ARHGEF7: variants seen among roughly 807,000 people sequenced by gnomAD.
ARHGEF7 encodes the protein Rho guanine nucleotide exchange factor 7, also known as PAK-interacting exchange factor beta.
Under a neutral mutation model 109.8 loss-of-function variants are expected in ARHGEF7, and 33 were observed. The observed-to-expected ratio is 0.30, with a 90% confidence interval of 0.23 to 0.40. The LOEUF is 0.40. Among genes scored for constraint, ARHGEF7 ranks in the 10% least tolerant of loss-of-function variants. ARHGEF7 has a pLI of 1.00. For missense variants in ARHGEF7, 938 were observed against 1,098.5 expected (o/e 0.85, Z 2.07); for synonymous variants, 458 against 424.6 (o/e 1.08, Z -0.97).
intron 5 of ARHGEF7, among the ~76,000 whole-genome samples, chr13:111,226,872 T>A (rs1345522139): frequency 1.3e-5 from 2 of 152,226 alleles, no homozygotes; most frequent in African/African-American, 4.8e-5. Context: ...TAGATGCTGT[T>A]AAGAACATTT....
chr13:111,233,175 C>A, intron 5 of ARHGEF7, 30 bp from the exon 6 acceptor site: 1 of 1,566,602 alleles, frequency 6.4e-7, no homozygotes, highest in South Asian at 1.1e-5. Context: ...TAGTACTGAT[C>A]AGTAAAACTA....
intron 1 of ARHGEF7, among the ~76,000 whole-genome samples, chr13:111,142,203 T>C (rs1238988677): frequency 6.6e-6 from 1 of 152,238 alleles, no homozygotes; most frequent in East Asian, 1.9e-4. Flanking sequence ...TCTTTGTATA[T>C]TCAGAATACC....
At chr13:111,290,323 A>G (rs1274961104) in intron 18 of ARHGEF7, among the ~76,000 whole-genome samples, 1 of 152,218 alleles carries the variant, frequency 6.6e-6, no homozygotes, top group Non-Finnish European at 1.5e-5. Context: ...AACAGTAAAA[A>G]ATAATACAAA....
At chr13:111,259,872 G>A (rs1247158116) in intron 8 of ARHGEF7, among the ~76,000 whole-genome samples, 1 of 152,136 alleles carries the variant, frequency 6.6e-6, no homozygotes, top group Non-Finnish European at 1.5e-5. Context: ...AATTCAAGAT[G>A]ACACAGAGAA....
chr13:111,256,027 T>C (rs1472674774), intron 8 of ARHGEF7, among the ~76,000 whole-genome samples: 2 of 152,232 alleles, frequency 1.3e-5, no homozygotes, highest in South Asian at 4.1e-4. Flanking sequence ...TTTCCTAAAA[T>C]AGCTGGAGGC....
intron 15 of ARHGEF7, 104 bp downstream of exon 15, chr13:111,280,781 A>AC: frequency 7.7e-7 from 1 of 1,298,368 alleles, no homozygotes; most frequent in Non-Finnish European, 1.0e-6. Flanking sequence ...CAATATTTGG[A>AC]TAAAAAGTGC....
intron 6 of ARHGEF7, chr13:111,241,467 T>TG: frequency 1.1e-6 from 1 of 912,688 alleles, no homozygotes; most frequent in Non-Finnish European, 1.6e-6. Flanking sequence ...AAGTGTAACT[T>TG]GCATTGTTTG....
At chr13:111,175,853 G>A (rs1242300628) in intron 2 of ARHGEF7, among the ~76,000 whole-genome samples, 1 of 152,212 alleles carries the variant, frequency 6.6e-6, no homozygotes, top group Non-Finnish European at 1.5e-5. Context: ...GGGCTGGGGA[G>A]GTCCCAGGAA....
chr13:111,125,605 C>T (rs571407358), intron 1 of ARHGEF7, among the ~76,000 whole-genome samples: 176 of 152,324 alleles, frequency 1.2e-3, no homozygotes, highest in African/African-American at 3.9e-3. Flanking sequence ...CTATTAGCAA[C>T]GCCTTTAAAG....
chr13:111,198,909 AC>A (rs2080889695), intron 2 of ARHGEF7, among the ~76,000 whole-genome samples: 1 of 134,062 alleles, frequency 7.5e-6, no homozygotes, highest in South Asian at 2.4e-4. Flanking sequence ...GTGCATTTTT[AC>A]AGAGTGCTGA....
chr13:111,274,089 ATAT>A (rs1567038853), intron 10 of ARHGEF7, 137 bp downstream of exon 10: 2 of 1,125,986 alleles, frequency 1.8e-6, no homozygotes, highest in Non-Finnish European at 2.4e-6. Context: ...GTTTTGTTAA[ATAT>A]TATGTTTTTC....
chr13:111,215,584 T>C (rs112265424), intron 4 of ARHGEF7, among the ~76,000 whole-genome samples: 61 of 152,342 alleles, frequency 4.0e-4, no homozygotes, highest in African/African-American at 1.2e-3. Context: ...CCACGTTGTA[T>C]GCTATGACTG....
At chr13:111,211,326 A>G (rs2082461375) in intron 4 of ARHGEF7, among the ~76,000 whole-genome samples, 1 of 152,246 alleles carries the variant, frequency 6.6e-6, no homozygotes. Flanking sequence ...GGAAAACATA[A>G]GAGAAATCAG....
intron 6 of ARHGEF7, among the ~76,000 whole-genome samples, chr13:111,242,788 G>A (rs942173803): frequency 6.6e-6 from 1 of 152,214 alleles, no homozygotes; most frequent in Non-Finnish European, 1.5e-5. Context: ...GGAGAAGTCA[G>A]CTTCTCTAAG....
At chr13:111,268,115 A>C (rs1595369573) in intron 9 of ARHGEF7, among the ~76,000 whole-genome samples, 1 of 152,362 alleles carries the variant, frequency 6.6e-6, no homozygotes, top group Non-Finnish European at 1.5e-5. Context: ...TGAAACTAAA[A>C]ACAAGTGCAA....
chr13:111,210,951 G>T (rs1218996971), intron 4 of ARHGEF7, among the ~76,000 whole-genome samples: 1 of 152,068 alleles, frequency 6.6e-6, no homozygotes, highest in East Asian at 1.9e-4. Context: ...GTCGTGATTT[G>T]TAGAGGGAAA....
chr13:111,288,861 C>G (rs967211973), intron 18 of ARHGEF7, among the ~76,000 whole-genome samples: 7 of 152,038 alleles, frequency 4.6e-5, no homozygotes, highest in African/African-American at 1.7e-4. Flanking sequence ...TTAGAAATAT[C>G]CAAAATACAA....
At chr13:111,241,279 T>C (rs1302481724) in intron 6 of ARHGEF7, 2 of 1,535,980 alleles carry the variant, frequency 1.3e-6, no homozygotes, top group Non-Finnish European at 1.7e-6. Flanking sequence ...GGCTGTGAGG[T>C]CTCATGGGGT....
chr13:111,277,894 G>GC (rs1171403310), intron 13 of ARHGEF7, among the ~76,000 whole-genome samples: 1 of 152,212 alleles, frequency 6.6e-6, no homozygotes, highest in Admixed American at 6.5e-5. Flanking sequence ...AAACTGTAGA[G>GC]CAACCTCATA....
Sources: gnomAD v4.1 joint callset for allele counts (sites outside exome capture counted in the v4.1 genomes callset) on GRCh38, gnomAD v4.1.1 for gene constraint, MANE v1.5 for transcripts, NCBI Gene and HGNC (gene_info 2026-07-23, HGNC 2026-07-21) for gene names.